Variants in MNS1 observed in about 807,000 individuals in gnomAD.
MNS1 encodes meiosis-specific nuclear structural protein 1.
Under a neutral mutation model 72.0 loss-of-function variants are expected in MNS1, and 63 were observed. That is an observed-to-expected ratio of 0.87 (90% CI 0.71 to 1.08). The LOEUF is 1.08. Ranked by LOEUF, MNS1 falls within the 50% of genes least tolerant of loss-of-function variation. MNS1 has a pLI of 0.00. For missense variants in MNS1, 604 were observed against 562.4 expected (o/e 1.07, Z -0.75); for synonymous variants, 188 against 172.1 (o/e 1.09, Z -0.72).
At chr15:56,456,332 A>G in intron 3 of MNS1, 62 bp downstream of exon 3, 3 of 1,467,584 alleles carry the variant, frequency 2.0e-6, no homozygotes, top group Non-Finnish European at 2.7e-6. Context: ...TCAGGTGCTA[A>G]GGATTACATA....
intron 8 of MNS1, among the ~76,000 whole-genome samples, chr15:56,432,941 C>T (rs1567146782): frequency 1.3e-5 from 2 of 152,136 alleles, no homozygotes; most frequent in Non-Finnish European, 2.9e-5. Flanking sequence ...ACATATTATC[C>T]ATTTGGTTCT....
intron 4 of MNS1, 78 bp downstream of exon 4, chr15:56,446,763 T>C (rs1330357235): frequency 4.7e-6 from 5 of 1,067,298 alleles, no homozygotes; most frequent in East Asian, 2.5e-5. Flanking sequence ...TTATACAATA[T>C]GACAATTTTT....
chr15:56,463,920 AC>A, intron 2 of MNS1, 105 bp downstream of exon 2: 1 of 897,584 alleles, frequency 1.1e-6, no homozygotes, highest in Non-Finnish European at 1.7e-6. Flanking sequence ...GGCATCACTT[AC>A]CTGCTGCTGT....
At chr15:56,454,715 C>G (rs2050970010) in intron 3 of MNS1, among the ~76,000 whole-genome samples, 1 of 152,162 alleles carries the variant, frequency 6.6e-6, no homozygotes, top group Non-Finnish European at 1.5e-5. Context: ...TCCTCTTTCA[C>G]CTCTCTACCA....
chr15:56,450,788 T>C (rs1480503256), intron 3 of MNS1, among the ~76,000 whole-genome samples: 1 of 152,208 alleles, frequency 6.6e-6, no homozygotes, highest in East Asian at 1.9e-4. Context: ...AATTGCTGGC[T>C]CATATGGTAA....
intron 3 of MNS1, among the ~76,000 whole-genome samples, chr15:56,449,108 A>G (rs1033576410): frequency 2.6e-5 from 4 of 152,156 alleles, no homozygotes; most frequent in Non-Finnish European, 5.9e-5. Flanking sequence ...TCTGTGAATA[A>G]TTAAATTTTT....
chr15:56,431,961 G>C (rs991788926), intron 8 of MNS1, among the ~76,000 whole-genome samples: 3 of 152,026 alleles, frequency 2.0e-5, no homozygotes, highest in Non-Finnish European at 4.4e-5. Context: ...TCTTAGGAAA[G>C]TGCTCACTCT....
chr15:56,453,327 A>G (rs1171532303), intron 3 of MNS1, among the ~76,000 whole-genome samples: 2 of 152,198 alleles, frequency 1.3e-5, no homozygotes, highest in Non-Finnish European at 2.9e-5. Context: ...TACCTAATGA[A>G]GAACTGCTAG....
intron 2 of MNS1, among the ~76,000 whole-genome samples, chr15:56,461,168 G>A (rs572374344): frequency 6.6e-6 from 1 of 152,238 alleles, no homozygotes; most frequent in Admixed American, 6.5e-5. Context: ...GGAGGGCAAT[G>A]TGCTTTATAC....
intron 1 of MNS1, among the ~76,000 whole-genome samples, 159 bp downstream of exon 1, chr15:56,464,811 G>T (rs1339356266): frequency 6.6e-6 from 1 of 152,146 alleles, no homozygotes; most frequent in Non-Finnish European, 1.5e-5. Context: ...CACCGCGAGC[G>T]TCCCTTCTAA....
At chr15:56,451,627 C>A (rs1251812336) in intron 3 of MNS1, among the ~76,000 whole-genome samples, 2 of 152,052 alleles carry the variant, frequency 1.3e-5, no homozygotes, top group African/African-American at 4.8e-5. Context: ...AAAATACTTT[C>A]TAATTTCAAT....
intron 2 of MNS1, among the ~76,000 whole-genome samples, chr15:56,458,458 C>G (rs1481602065): frequency 6.6e-6 from 1 of 152,116 alleles, no homozygotes; most frequent in East Asian, 1.9e-4. Context: ...ATTACTTAAA[C>G]CTATGCATCA....
At chr15:56,435,785 C>G (rs1468043847) in intron 7 of MNS1, among the ~76,000 whole-genome samples, 1 of 151,928 alleles carries the variant, frequency 6.6e-6, no homozygotes, top group African/African-American at 2.4e-5. Context: ...TTCCAGAAAA[C>G]AGAAGAGGAG....
chr15:56,449,872 G>C (rs779560104), intron 3 of MNS1, among the ~76,000 whole-genome samples: 1 of 152,128 alleles, frequency 6.6e-6, no homozygotes, highest in Non-Finnish European at 1.5e-5. Context: ...GGTCCATTAA[G>C]TGTTTGTATG....
intron 3 of MNS1, among the ~76,000 whole-genome samples, chr15:56,456,167 G>T (rs1331264703): frequency 2.6e-5 from 4 of 152,104 alleles, no homozygotes; most frequent in African/African-American, 9.7e-5. Flanking sequence ...AAAGGAAAGA[G>T]CAGGGGGACT....
rs1321989421 is a variant in MNS1 at position 56,433,455 on chromosome 15, A to C, written c.1269+683T>G. Among the ~76,000 whole-genome samples, 5 of 152,282 alleles carry C rather than the reference A, an allele frequency of 3.3e-5. No homozygotes were observed. In the East Asian group the frequency reaches 7.7e-4, roughly 23 times the overall value. ...AAAATAATTAAAAAGATGGAATGAC[A>C]GTATTATTTATTAGGGGTAGCCTTA... On this transcript the variant is annotated intron_variant, in intron 8 of 9. Coordinates refer to ENST00000260453, the MANE Select transcript of MNS1 (RefSeq NM_018365.4).
In MNS1 at chr15:56,456,489, C is replaced by T. The variant is rs758972895; in HGVS notation, c.258G>A (p.Gln86=). The T allele has an allele frequency of 1.2e-6, 2 of 1,611,838 alleles. No individual in the cohort carries two copies. Among genetic ancestry groups the T allele is most frequent in the East Asian group, 4.5e-5 (2 of 44,626 alleles). ...AEENKRLKEL[Q]LKQEEKLAME... is the part of the protein sequence containing the mutation. ...TAGCCAGTTTTTCTTCTTGTTTGAG[C>T]TGGAGTTCTTTCAATCTCTTGTTTT... is the stretch of plus-strand genomic sequence containing the variant. The change falls in exon 3 of 10, where the codon CAG becomes CAA. Residue 86 remains glutamine (Q), a synonymous_variant. Coordinates refer to ENST00000260453, the MANE Select transcript of MNS1 (RefSeq NM_018365.4).
chr15:56,436,322 A>G (rs1260342195), intron 7 of MNS1, among the ~76,000 whole-genome samples: 6 of 152,236 alleles, frequency 3.9e-5, no homozygotes, highest in Non-Finnish European at 5.9e-5. Context: ...CCGCTCAGCT[A>G]CATGGAAAGT....
chr15:56,460,864 G>C lies in MNS1; in HGVS notation c.225+3162C>G, dbSNP rs565507110. Among the ~76,000 whole-genome samples the C allele has an allele frequency of 6.6e-5, 10 of 152,226 alleles. No homozygotes were observed. In the East Asian group the frequency reaches 1.7e-3, roughly 26 times the overall value. On this transcript the variant is annotated intron_variant, in intron 2 of 9. Transcript: ENST00000260453. ...AAGAGAGAAATTTTGTATTTGTCAG[G>C]GTTCTCCAGAGTAAGTGATTATGAA...
Sources: allele counts gnomAD v4.1 joint callset (sites outside exome capture counted in the v4.1 genomes callset), GRCh38; gene constraint gnomAD v4.1.1; transcripts MANE v1.5; gene names NCBI Gene and HGNC (gene_info 2026-07-23, HGNC 2026-07-21).